Variants in MAGI1 observed in about 807,000 individuals in gnomAD.
MAGI1 encodes the protein membrane-associated guanylate kinase, WW and PDZ domain-containing protein 1.
MAGI1 carries 58 observed loss-of-function variants against 139.9 expected under a neutral mutation model. The ratio of observed to expected loss-of-function variants is 0.41; its 90% CI spans 0.34 to 0.52. The LOEUF is 0.52. Ranked by LOEUF, MAGI1 falls within the 20% of genes least tolerant of loss-of-function variation. The probability of loss-of-function intolerance (pLI) is 0.12; values close to 1 mark genes in which losing one functional copy is unlikely to be tolerated. For missense variants in MAGI1, 1,874 were observed against 1,901.6 expected, an observed-to-expected ratio of 0.99 and a Z score of 0.27; for synonymous variants, 812 against 737.9, an observed-to-expected ratio of 1.10 and a Z score of -1.63.
At chr3:65,578,923 AAGAGAGAG>A (rs139290080) in intron 2 of MAGI1, among the ~76,000 whole-genome samples, 3,153 of 145,726 alleles carry the variant, frequency 0.022, 158 homozygotes, top group Admixed American at 0.11. Context: ...TCTGTCTCCA[AAGAGAGAG>A]AGAGAGAGAG....
chr3:65,516,646 T>C (rs2107781616), intron 2 of MAGI1, among the ~76,000 whole-genome samples: 1 of 149,118 alleles, frequency 6.7e-6, no homozygotes, highest in South Asian at 2.2e-4. Flanking sequence ...CTTATCACAA[T>C]CATGAGCAAA....
intron 1 of MAGI1, among the ~76,000 whole-genome samples, chr3:65,891,943 CCCGTG>C (rs1559983891): frequency 2.5e-5 from 2 of 80,954 alleles, no homozygotes; most frequent in Non-Finnish European, 4.8e-5. Context: ...TATATATATA[CCCGTG>C]TTGCTCCAAT....
At chr3:65,425,400 A>C (rs1413153818) in intron 12 of MAGI1, among the ~76,000 whole-genome samples, 2 of 152,146 alleles carry the variant, frequency 1.3e-5, no homozygotes, top group African/African-American at 4.8e-5. Context: ...CAGGATTTAA[A>C]CTTGCATCCT....
chr3:65,723,436 G>C (rs918821498), intron 1 of MAGI1, among the ~76,000 whole-genome samples: 2 of 152,078 alleles, frequency 1.3e-5, no homozygotes, highest in Non-Finnish European at 2.9e-5. Flanking sequence ...CAATCTCTAG[G>C]GGCAGAAATA....
chr3:65,559,596 G>T (rs1054452914), intron 2 of MAGI1, among the ~76,000 whole-genome samples: 1 of 152,142 alleles, frequency 6.6e-6, no homozygotes, highest in Non-Finnish European at 1.5e-5. Context: ...TACACTATGT[G>T]ATTTCATCCA....
chr3:65,420,751 A>G (rs1476277287), intron 12 of MAGI1, among the ~76,000 whole-genome samples: 1 of 152,204 alleles, frequency 6.6e-6, no homozygotes, highest in African/African-American at 2.4e-5. Flanking sequence ...AAGGGATGAC[A>G]CCACACCTTA....
rs1948773123 is a variant in MAGI1 at position 65,447,912 on chromosome 3, G to C, written c.1078+110C>G. 5 of 1,190,074 alleles carry C rather than the reference G, an allele frequency of 4.2e-6. No individual in the cohort carries two copies. The South Asian group carries it at 6.1e-5, about 14-fold the overall frequency. 73.7% of individuals were successfully genotyped at this position (1,190,074 alleles called of 1,614,324 possible). The stretch of plus-strand genomic sequence containing the variant: ...ATAAGCTAGAATGAAAATCATAATT[G>C]GAGGAGTGCAAACTAAAGAAACAGG... On this transcript the variant is annotated intron_variant, in intron 7 of 22. Coordinates refer to ENST00000402939, the MANE Select transcript of MAGI1 (RefSeq NM_001033057.2).
intron 1 of MAGI1, among the ~76,000 whole-genome samples, chr3:65,654,723 T>TA (rs2085775291): frequency 6.6e-6 from 1 of 152,176 alleles, no homozygotes; most frequent in Non-Finnish European, 1.5e-5. Context: ...CTCTCTCCTC[T>TA]ACTCACCCAG....
At chr3:65,567,811 G>A (rs1277842171) in intron 2 of MAGI1, among the ~76,000 whole-genome samples, 1 of 152,180 alleles carries the variant, frequency 6.6e-6, no homozygotes, top group African/African-American at 2.4e-5. Flanking sequence ...ACTCCAGCCT[G>A]GGTGACACAT....
At chr3:65,933,322 T>C (rs2062889911) in intron 1 of MAGI1, among the ~76,000 whole-genome samples, 1 of 152,214 alleles carries the variant, frequency 6.6e-6, no homozygotes, top group Non-Finnish European at 1.5e-5. Flanking sequence ...AGGGCTGCAC[T>C]CATCTGAAGG....
At chr3:65,968,469 T>C (rs1194746799) in intron 1 of MAGI1, among the ~76,000 whole-genome samples, 2 of 151,996 alleles carry the variant, frequency 1.3e-5, no homozygotes, top group Non-Finnish European at 1.5e-5. Flanking sequence ...ATCTTGGTGC[T>C]GATGGAAAAA....
intron 2 of MAGI1, among the ~76,000 whole-genome samples, chr3:65,586,369 A>C (rs951247283): frequency 6.6e-6 from 1 of 152,128 alleles, no homozygotes; most frequent in Non-Finnish European, 1.5e-5. Context: ...TGCTTGGAGG[A>C]GGTGGAAAGG....
At chr3:66,014,747 T>C (rs2067530214) in intron 1 of MAGI1, among the ~76,000 whole-genome samples, 1 of 152,236 alleles carries the variant, frequency 6.6e-6, no homozygotes, top group South Asian at 2.1e-4. Context: ...TGTGAAATTC[T>C]GCCAGGCTGG....
At chr3:65,514,104 T>C (rs1261756417) in intron 2 of MAGI1, among the ~76,000 whole-genome samples, 1 of 149,062 alleles carries the variant, frequency 6.7e-6, no homozygotes, top group Admixed American at 6.7e-5. Context: ...TGGCTAGCCA[T>C]ATGTAGAAAG....
At chr3:65,430,994 G>A in intron 10 of MAGI1, 113 bp from the exon 11 acceptor site, 1 of 980,168 alleles carries the variant, frequency 1.0e-6, no homozygotes, top group Non-Finnish European at 1.5e-6. Context: ...TAGAGCCTTT[G>A]GGCATATAGC....
chr3:66,000,131 C>G (rs2066667395), intron 1 of MAGI1, among the ~76,000 whole-genome samples: 1 of 151,952 alleles, frequency 6.6e-6, no homozygotes, highest in Non-Finnish European at 1.5e-5. Flanking sequence ...CGCTACCATG[C>G]CCGGCTAATT....
chr3:65,714,155 A>G (rs7627422), intron 1 of MAGI1, among the ~76,000 whole-genome samples: 5,069 of 152,266 alleles, frequency 0.033, 260 homozygotes, highest in African/African-American at 0.11. Context: ...CAGTGCTTGC[A>G]TACACAGACG....
intron 5 of MAGI1, among the ~76,000 whole-genome samples, chr3:65,463,947 G>C (rs1949996266): frequency 6.6e-6 from 1 of 152,148 alleles, no homozygotes; most frequent in Non-Finnish European, 1.5e-5. Flanking sequence ...ATGGTAGTTT[G>C]TATTTCTGTA....
At chr3:65,528,664 C>T (rs915109748) in intron 2 of MAGI1, among the ~76,000 whole-genome samples, 1 of 152,166 alleles carries the variant, frequency 6.6e-6, no homozygotes, top group Non-Finnish European at 1.5e-5. Flanking sequence ...TAGCAGAGAA[C>T]AAATGCTCAG....
Sources: gnomAD v4.1 joint callset for allele counts (sites outside exome capture counted in the v4.1 genomes callset) on GRCh38, gnomAD v4.1.1 for gene constraint, MANE v1.5 for transcripts, NCBI Gene and HGNC (gene_info 2026-07-23, HGNC 2026-07-21) for gene names.